Variants in SLC38A4 observed in about 807,000 individuals in gnomAD.
The protein encoded by SLC38A4 is solute carrier family 38 member 4, also known as sodium-coupled neutral amino acid transporter 4.
SLC38A4 carries 20 observed loss-of-function variants against 63.1 expected under a neutral mutation model. The ratio of observed to expected loss-of-function variants is 0.32; its 90% CI spans 0.22 to 0.46. The LOEUF (loss-of-function observed/expected upper bound fraction) is 0.46, where lower values mean the gene tolerates loss of function less well. SLC38A4 is among the 20% of genes least tolerant of loss of function. SLC38A4 has a pLI of 1.00. For missense variants in SLC38A4, 526 were observed against 663.6 expected, an observed-to-expected ratio of 0.79 and a Z score of 2.28; for synonymous variants, 230 against 225.5, an observed-to-expected ratio of 1.02 and a Z score of -0.18.
At chr12:46,787,262 C>T (rs1018718643) in intron 5 of SLC38A4, among the ~76,000 whole-genome samples, 4 of 152,174 alleles carry the variant, frequency 2.6e-5, no homozygotes, top group Admixed American at 6.6e-5. Context: ...CTTTCTAGAG[C>T]TTATAGTCCA....
chr12:46,769,706 C>A (rs1186543094), intron 14 of SLC38A4, among the ~76,000 whole-genome samples: 1 of 152,024 alleles, frequency 6.6e-6, no homozygotes, highest in Non-Finnish European at 1.5e-5. Flanking sequence ...GGTTGTAATA[C>A]TGTATTTTTA....
chr12:46,788,059 C>A (rs1938800526), intron 4 of SLC38A4, 28 bp from the exon 5 acceptor site: 1 of 1,552,966 alleles, frequency 6.4e-7, no homozygotes, highest in African/African-American at 1.4e-5. Flanking sequence ...GTATTATAAG[C>A]AAACATTTGC....
intron 2 of SLC38A4, among the ~76,000 whole-genome samples, chr12:46,797,494 C>T (rs1265851563): frequency 6.6e-6 from 1 of 152,148 alleles, no homozygotes; most frequent in Non-Finnish European, 1.5e-5. Context: ...CAGCAACATC[C>T]TGTTTCTCAG....
chr12:46,768,199 T>C (rs1259025782), intron 16 of SLC38A4, 111 bp downstream of exon 16: 2 of 753,756 alleles, frequency 2.7e-6, no homozygotes, highest in Non-Finnish European at 4.2e-6. Flanking sequence ...CCAGTTTTGA[T>C]TTTTGGTTCT....
chr12:46,803,559 G>C (rs1377076456), intron 2 of SLC38A4, 44 bp downstream of exon 2: 3 of 151,878 alleles, frequency 2.0e-5, no homozygotes, highest in Admixed American at 2.0e-4. Context: ...AAGAAAGTAA[G>C]CATTATTTTA....
chr12:46,824,071 G>A (rs1005947597), intron 1 of SLC38A4, among the ~76,000 whole-genome samples: 2 of 152,136 alleles, frequency 1.3e-5, no homozygotes, highest in African/African-American at 4.8e-5. Flanking sequence ...GGCTCTGGGT[G>A]ACCCCTGTCA....
intron 13 of SLC38A4, 56 bp downstream of exon 13, chr12:46,776,848 C>T: frequency 6.6e-7 from 1 of 1,506,840 alleles, no homozygotes; most frequent in Admixed American, 1.7e-5. Flanking sequence ...CTACCCAGGT[C>T]AAGGACCAGC....
At chr12:46,802,240 T>C (rs903530509) in intron 2 of SLC38A4, among the ~76,000 whole-genome samples, 5 of 152,058 alleles carry the variant, frequency 3.3e-5, no homozygotes, top group South Asian at 2.1e-4. Flanking sequence ...CAAAGAGTAG[T>C]TTCCAGAATG....
At chr12:46,782,896 G>T (rs184601292) in intron 7 of SLC38A4, among the ~76,000 whole-genome samples, 257 of 147,546 alleles carry the variant, frequency 1.7e-3, no homozygotes, top group African/African-American at 6.1e-3. Flanking sequence ...CTACTCAAGT[G>T]TTTTAAAATA....
At chr12:46,803,917 A>G (rs1441672909) in intron 1 of SLC38A4, 123 bp from the exon 2 acceptor site, 2 of 152,164 alleles carry the variant, frequency 1.3e-5, no homozygotes, top group South Asian at 2.1e-4. Context: ...ATAATCACTG[A>G]AAGTTTTAGC....
chr12:46,788,707 G>C (rs115541545), intron 3 of SLC38A4, 89 bp from the exon 4 acceptor site: 1 of 1,187,800 alleles, frequency 8.4e-7, no homozygotes, highest in African/African-American at 1.5e-5. Flanking sequence ...CTAAGTAACT[G>C]AATCAGAGGA....
chr12:46,776,681 T>C (rs922339215), intron 13 of SLC38A4, among the ~76,000 whole-genome samples: 1 of 152,054 alleles, frequency 6.6e-6, no homozygotes. Flanking sequence ...ATATTTTTTA[T>C]AAAATAGGTG....
At chr12:46,787,798 T>C in intron 5 of SLC38A4, 118 bp downstream of exon 5, 1 of 683,674 alleles carries the variant, frequency 1.5e-6, no homozygotes, top group Non-Finnish European at 2.4e-6. Context: ...CCAAGTGCCA[T>C]GATTAGCCTC....
intron 10 of SLC38A4, among the ~76,000 whole-genome samples, chr12:46,779,306 G>A (rs770863174): frequency 6.6e-6 from 1 of 151,820 alleles, no homozygotes; most frequent in Admixed American, 6.6e-5. Context: ...TCTCATCTGG[G>A]ACTCTCCTCT....
In SLC38A4 at chr12:46,766,421, C is replaced by A. The variant is rs183532046; in HGVS notation, c.*280G>T. 2 of 535,520 alleles carry A rather than the reference C, an allele frequency of 3.7e-6. No individual in the cohort carries two copies. The highest frequency in any genetic ancestry group is 2.8e-4 in the Middle Eastern group (1 of 3,520). The allele number at this position is 535,520 out of a possible 1,614,324, so 33.2% of individuals were successfully genotyped here. A position where few individuals can be genotyped will look rare whatever the true frequency, so the allele number is the denominator to read the frequency against. On this transcript the variant is annotated 3_prime_UTR_variant, in exon 17 of 17. Coordinates refer to ENST00000266579, the MANE Select transcript of SLC38A4 (RefSeq NM_018018.5). The stretch of plus-strand genomic sequence containing the variant: ...TACATGCAGTTACCCTTATTCTGCT[C>A]GTAAAGCAGCAAAAATACACCTTCA...
intron 2 of SLC38A4, among the ~76,000 whole-genome samples, chr12:46,800,034 G>C (rs886090519): frequency 6.6e-6 from 1 of 152,066 alleles, no homozygotes. Flanking sequence ...AAAGAATATT[G>C]CTGGCAAACA....
chr12:46,766,256 C>A lies in SLC38A4; in HGVS notation c.*445G>T. On this transcript the variant is annotated 3_prime_UTR_variant, in exon 17 of 17. Transcript: ENST00000266579. The stretch of plus-strand genomic sequence containing the variant: ...ACAGACCAGAGACTTTGGTGCAAGA[C>A]TGAGAGAAGACATTAAATGGTGATA... 2.5e-6 allele frequency: 1 copy of A among 401,236 alleles called. No individual in the cohort carries two copies. The highest frequency in any genetic ancestry group is 1.8e-5 in the South Asian group (1 of 54,262). The allele number at this position is 401,236 out of a possible 1,614,324, so 24.9% of individuals were successfully genotyped here. A position where few individuals can be genotyped will look rare whatever the true frequency, so the allele number is the denominator to read the frequency against.
chr12:46,784,436 G>A lies in SLC38A4; in HGVS notation c.493+106C>T, dbSNP rs1018053674. ...TTTTAAAATTTAAGAACTATAAGTA[G>A]CAATTTTTCTGTATCTAAAGTGCCT... On this transcript the variant is annotated intron_variant, in intron 7 of 16. Transcript: ENST00000266579. The A allele has an allele frequency of 2.6e-5, 18 of 690,102 alleles. No homozygotes were observed. The African/African-American group carries it at 2.9e-4, about 11-fold the overall frequency. The allele number at this position is 690,102 out of a possible 1,614,324, so 42.7% of individuals were successfully genotyped here.
chr12:46,787,524 G>A (rs531301097), intron 5 of SLC38A4, among the ~76,000 whole-genome samples: 1 of 152,222 alleles, frequency 6.6e-6, no homozygotes, highest in Admixed American at 6.5e-5. Context: ...GAAGGCTATT[G>A]TGCCCAGTGT....
Sources: allele counts gnomAD v4.1 joint callset (sites outside exome capture counted in the v4.1 genomes callset), GRCh38; gene constraint gnomAD v4.1.1; transcripts MANE v1.5; gene names NCBI Gene and HGNC (gene_info 2026-07-23, HGNC 2026-07-21).